Variants in TSGA10 observed in about 807,000 individuals in gnomAD.
TSGA10 encodes testis-specific gene 10 protein.
TSGA10 carries 43 observed loss-of-function variants against 96.6 expected under a neutral mutation model. The ratio of observed to expected loss-of-function variants is 0.44; its 90% CI spans 0.35 to 0.57. The LOEUF (loss-of-function observed/expected upper bound fraction) is 0.57, where lower values mean the gene tolerates loss of function less well. Among genes scored for constraint, TSGA10 ranks in the 20% least tolerant of loss-of-function variants. TSGA10 has a pLI of 0.01. For synonymous variants in TSGA10, 229 were observed against 269.9 expected (o/e 0.85, Z 1.48); for missense variants, 703 against 834.4 (o/e 0.84, Z 1.94).
rs1392885919 is a variant in TSGA10 at position 99,116,494 on chromosome 2, T to G, written c.-140+1050A>C. On this transcript the variant is annotated intron_variant, in intron 4 of 20. Transcript: ENST00000393483. ...CACAGATATCTGAGAATTTAGTATC[T>G]GTTAAAATGATATGTCAAGTCAGTG... Among the ~76,000 whole-genome samples, 11 of 152,022 alleles carry G rather than the reference T, an allele frequency of 7.2e-5. 1 individual carries two copies. Among genetic ancestry groups the G allele is most frequent in the Admixed American group, 7.2e-4 (11 of 15,252 alleles).
In TSGA10 at chr2:99,020,328, G is replaced by C; in HGVS notation, c.1769C>G (p.Ser590Cys). ...GTGTTCTTTAAGAAGCTGAATTTCA[G>C]ATTCTTTTTCTTGAAGTGCTATCTG... ...QSQIALQEKE[S>C]EIQLLKEHLC... Residue 590 changes from serine (S) to cysteine (C), a missense_variant, in exon 18 of 21, where the codon TCT (serine) becomes TGT (cysteine). Around this residue, in one of 3 missense-constraint regions of TSGA10, gnomAD observed 49 missense variants for 96.4 expected, o/e 0.51. Coordinates refer to ENST00000393483, the MANE Select transcript of TSGA10 (RefSeq NM_025244.4). 6.2e-7 allele frequency: 1 copy of C among 1,613,778 alleles called. No homozygotes were observed. Among genetic ancestry groups the C allele is most frequent in the South Asian group, 1.1e-5 (1 of 91,054 alleles).
intron 16 of TSGA10, among the ~76,000 whole-genome samples, chr2:99,048,683 T>C (rs1364468560): frequency 2.6e-5 from 4 of 152,146 alleles, no homozygotes. Context: ...AAGGACTTCA[T>C]GACTAAAACA....
intron 17 of TSGA10, among the ~76,000 whole-genome samples, chr2:99,024,387 C>T (rs1022102268): frequency 3.3e-5 from 5 of 152,058 alleles, no homozygotes; most frequent in East Asian, 3.8e-4. Flanking sequence ...CGCGTCTGGC[C>T]GTATTTGTCC....
At chr2:99,147,353 AGATT>A in intron 1 of TSGA10, 1 of 1,021,906 alleles carries the variant, frequency 9.8e-7, no homozygotes, top group Non-Finnish European at 1.5e-6. Flanking sequence ...CTTTTTCTCC[AGATT>A]GATTTATCTC....
intron 6 of TSGA10, 107 bp from the exon 7 acceptor site, chr2:99,109,098 A>G: frequency 1.1e-6 from 1 of 893,662 alleles, no homozygotes; most frequent in Non-Finnish European, 1.6e-6. Context: ...AGACTATATA[A>G]TGAAAGGAAA....
At chr2:99,141,193 T>C (rs1037176305) in intron 1 of TSGA10, 1 of 1,185,336 alleles carries the variant, frequency 8.4e-7, no homozygotes, top group Non-Finnish European at 1.1e-6. Context: ...CCGCCCACTC[T>C]CCATCCTCCG....
chr2:99,021,154 T>C (rs1413535970), intron 17 of TSGA10, among the ~76,000 whole-genome samples: 1 of 151,866 alleles, frequency 6.6e-6, no homozygotes, highest in East Asian at 1.9e-4. Flanking sequence ...ACATAACAAA[T>C]TCTATATGCA....
At chr2:99,039,585 G>C (rs1357711981) in intron 16 of TSGA10, among the ~76,000 whole-genome samples, 1 of 147,830 alleles carries the variant, frequency 6.8e-6, no homozygotes, top group Admixed American at 6.8e-5. Context: ...ATTACAAGCA[G>C]CAAGATTCAA....
chr2:99,071,750 C>G lies in TSGA10; in HGVS notation c.1063G>C (p.Asp355His). Residue 355 changes from aspartate to histidine, a missense_variant, in exon 14 of 21, where the codon GAC (aspartate) becomes CAC (histidine). Physicochemically the swap from Asp to His is moderately conservative, Grantham distance 81 (BLOSUM62 -1). Coordinates refer to ENST00000393483, the MANE Select transcript of TSGA10 (RefSeq NM_025244.4). Reference sequence around the variant, plus strand: ...TTAGCAAACTGTTCCTGGAGATTGTCATTGTCATGAGCCAAGATATCTCTT... The same window carrying G: ...TTAGCAAACTGTTCCTGGAGATTGTGATTGTCATGAGCCAAGATATCTCTT... The part of the protein sequence containing the change: ...RERDILAHDN[D>H]NLQEQFAKAK... 6 of 1,613,862 alleles carry G rather than the reference C, an allele frequency of 3.7e-6. No homozygotes were observed. Among genetic ancestry groups the G allele is most frequent in the Non-Finnish European group, 4.2e-6 (5 of 1,179,860 alleles).
chr2:98,999,941 A>G (rs2077742449), intron 20 of TSGA10, among the ~76,000 whole-genome samples: 1 of 152,194 alleles, frequency 6.6e-6, no homozygotes, highest in Non-Finnish European at 1.5e-5. Context: ...TATTTTTTGT[A>G]GAGATGGGGT....
chr2:99,027,383 G>A (rs1019897625), intron 17 of TSGA10, among the ~76,000 whole-genome samples: 2 of 152,200 alleles, frequency 1.3e-5, no homozygotes, highest in South Asian at 2.1e-4. Context: ...AGAATGGTGG[G>A]AGGAGGAAGG....
chr2:99,150,081 C>T (rs181745635), intron 1 of TSGA10, among the ~76,000 whole-genome samples: 1,637 of 152,194 alleles, frequency 0.011, 10 homozygotes, highest in Middle Eastern at 0.024. Flanking sequence ...CGTGGGCCAC[C>T]GCACCCAGCC....
At chr2:99,146,195 A>G (rs2093630150) in intron 1 of TSGA10, among the ~76,000 whole-genome samples, 1 of 152,236 alleles carries the variant, frequency 6.6e-6, no homozygotes, top group African/African-American at 2.4e-5. Flanking sequence ...CAGCAGGAGA[A>G]TCATGTGAAC....
At chr2:99,085,162 G>A in intron 10 of TSGA10, among the ~76,000 whole-genome samples, 1 of 151,826 alleles carries the variant, frequency 6.6e-6, no homozygotes, top group East Asian at 1.9e-4. Context: ...CAGGAGAATT[G>A]CTTGAACCCA....
At chr2:99,007,605 AAAGCAAAATTTAGAGGATAT>A (rs1180236615) in intron 20 of TSGA10, among the ~76,000 whole-genome samples, 1 of 152,216 alleles carries the variant, frequency 6.6e-6, no homozygotes, top group Non-Finnish European at 1.5e-5. Context: ...CCACCTATAT[AAAGCAAAATTTAGAGGATAT>A]GGAAAAAGCA....
intron 12 of TSGA10, among the ~76,000 whole-genome samples, chr2:99,074,901 T>C (rs559250783): frequency 6.2e-4 from 93 of 150,842 alleles, no homozygotes; most frequent in African/African-American, 2.1e-3. Flanking sequence ...AGGGTTGCAG[T>C]GGGCTGAGAT....
At chr2:99,106,090 T>C (rs1332621537) in intron 7 of TSGA10, among the ~76,000 whole-genome samples, 1 of 152,216 alleles carries the variant, frequency 6.6e-6, no homozygotes, top group Non-Finnish European at 1.5e-5. Context: ...TAAATGCATA[T>C]GCCATTCCTA....
At chr2:99,028,956 A>G (rs967502657) in intron 17 of TSGA10, among the ~76,000 whole-genome samples, 12 of 152,240 alleles carry the variant, frequency 7.9e-5, no homozygotes, top group African/African-American at 2.4e-4. Context: ...TATACAATAA[A>G]AATTTTACAT....
At chr2:99,109,259 C>T (rs760901825) in intron 6 of TSGA10, 130 bp downstream of exon 6, 8 of 1,000,500 alleles carry the variant, frequency 8.0e-6, no homozygotes, top group East Asian at 2.5e-5. Context: ...AGACCTCTGT[C>T]TCTCAACCCC....
Sources: allele counts gnomAD v4.1 joint callset (sites outside exome capture counted in the v4.1 genomes callset), GRCh38; gene constraint gnomAD v4.1.1; regional missense constraint gnomAD v4.1.1; transcripts MANE v1.5; gene names NCBI Gene and HGNC (gene_info 2026-07-23, HGNC 2026-07-21).